MIF4GD: variants seen among roughly 807,000 people sequenced by gnomAD.
MIF4GD encodes the protein MIF4G domain containing, also known as MIF4G domain-containing protein.
MIF4GD carries 22 observed loss-of-function variants against 26.7 expected under a neutral mutation model. The ratio of observed to expected loss-of-function variants is 0.82; its 90% CI spans 0.59 to 1.18. MIF4GD has a LOEUF of 1.18. MIF4GD is among the 50% of genes most tolerant of loss of function. The pLI, the probability that MIF4GD is intolerant of heterozygous loss-of-function variation, is 0.00. For missense variants in MIF4GD, 262 were observed against 279.6 expected, an observed-to-expected ratio of 0.94 and a Z score of 0.45; for synonymous variants, 137 against 111.6, an observed-to-expected ratio of 1.23 and a Z score of -1.43.
At position 75,266,932 on chromosome 17, in the gene MIF4GD, C is replaced by T. The variant is rs2077506804; in HGVS notation, c.477G>A (p.Gly159=). 6.2e-7 allele frequency: 1 copy of T among 1,613,970 alleles called. No individual in the cohort carries two copies. Among genetic ancestry groups the T allele is most frequent in the South Asian group, 1.1e-5 (1 of 91,072 alleles). Residue 159 remains glycine, a synonymous_variant, in exon 6 of 6, where the codon GGG becomes GGA. Coordinates refer to ENST00000325102, the MANE Select transcript of MIF4GD (RefSeq NM_001370592.1). ...GCCCATTCATTTTCTCCAGCTGCTCCCCAACCCGGTGCAGCTGCAGCACCA... is the reference window on the plus strand; with the variant it reads ...GCCCATTCATTTTCTCCAGCTGCTCTCCAACCCGGTGCAGCTGCAGCACCA... ...DCLVLQLHRV[G]EQLEKMNGQR... is the part of the protein sequence containing the mutation.
Position 75,266,569 on chromosome 17 carries a change from G to A in MIF4GD, c.*171C>T, listed in dbSNP as rs2077490299. 1 of 682,668 alleles carries A rather than the reference G, an allele frequency of 1.5e-6. No individual in the cohort carries two copies. The highest frequency in any genetic ancestry group is 1.8e-5 in the South Asian group (1 of 55,012). The allele number at this position is 682,668 out of a possible 1,614,324, so 42.3% of individuals were successfully genotyped here. A position where few individuals can be genotyped will look rare whatever the true frequency, so the allele number is the denominator to read the frequency against. Reference sequence around the variant, plus strand: ...GTGGTGGGGAAAGGGGCTCAGGGCAGGACCACGGCATAAGTGGGAAACATC... The same window carrying A: ...GTGGTGGGGAAAGGGGCTCAGGGCAAGACCACGGCATAAGTGGGAAACATC... On this transcript the variant is annotated 3_prime_UTR_variant, in exon 6 of 6. Transcript: ENST00000325102.
chr17:75,268,031 C>T (rs748272473), intron 3 of MIF4GD, 52 bp downstream of exon 3: 8 of 1,607,404 alleles, frequency 5.0e-6, no homozygotes, highest in African/African-American at 1.3e-5. Context: ...CTTCTGCCCA[C>T]TCCTGAAGCA....
At chr17:75,268,698 A>G (rs1375276236) in intron 2 of MIF4GD, among the ~76,000 whole-genome samples, 1 of 150,116 alleles carries the variant, frequency 6.7e-6, no homozygotes, top group African/African-American at 2.5e-5. Context: ...AGAAAAAAAT[A>G]AAAGAAATCA....
intron 2 of MIF4GD, among the ~76,000 whole-genome samples, chr17:75,269,824 C>T (rs1310494524): frequency 6.7e-6 from 1 of 149,334 alleles, no homozygotes; most frequent in African/African-American, 2.4e-5. Flanking sequence ...AGCAATCTGC[C>T]CACCTTGGCT....
At position 75,270,501 on chromosome 17, in the gene MIF4GD, C is replaced by A; in HGVS notation, c.-50-256G>T. On this transcript the variant is annotated intron_variant, in intron 1 of 5. Transcript: ENST00000325102. This position sits in a 1 kb window ranked among gnomAD's most constrained non-coding sequence, Gnocchi z 5.7. ...AGCGAGAAGCTGAAGCAGGAAAGCG[C>A]CCACCCTCCAGTCCCAGCAGGAGGC... 3.0e-6 allele frequency: 1 copy of A among 334,556 alleles called. No individual in the cohort carries two copies. Among genetic ancestry groups the A allele is most frequent in the East Asian group, 7.2e-5 (1 of 13,800 alleles). The allele number at this position is 334,556 out of a possible 1,614,324, so 20.7% of individuals were successfully genotyped here. A position where few individuals can be genotyped will look rare whatever the true frequency, so the allele number is the denominator to read the frequency against.
At chr17:75,269,843 T>A (rs1409249800) in intron 2 of MIF4GD, among the ~76,000 whole-genome samples, 1 of 149,356 alleles carries the variant, frequency 6.7e-6, no homozygotes, top group East Asian at 2.0e-4. Flanking sequence ...CTTTCCAAAG[T>A]GCTGGAACTA....
rs1311614917 is a variant in MIF4GD, at chr17:75,270,015, G to C, written c.82+99C>G. The stretch of plus-strand genomic sequence containing the variant: ...GACTCCTATCGTCAGAGAATGAGGG[G>C]AGGGGTGGAGGCATTCACCAGGCTC... On this transcript the variant is annotated intron_variant, in intron 2 of 5. Coordinates refer to ENST00000325102, the MANE Select transcript of MIF4GD (RefSeq NM_001370592.1). This position sits in a 1 kb window ranked among gnomAD's most constrained non-coding sequence, Gnocchi z 5.7. 1 of 948,740 alleles carries C rather than the reference G, an allele frequency of 1.1e-6. No individual in the cohort carries two copies. The highest frequency in any genetic ancestry group is 1.6e-5 in the African/African-American group (1 of 61,200). 58.8% of individuals were successfully genotyped at this position (948,740 alleles called of 1,614,324 possible). A position where few individuals can be genotyped will look rare whatever the true frequency, so the allele number is the denominator to read the frequency against.
chr17:75,267,429 A>T (rs771132822), intron 5 of MIF4GD, 109 bp downstream of exon 5: 17 of 1,092,300 alleles, frequency 1.6e-5, no homozygotes, highest in Non-Finnish European at 2.3e-5. Context: ...CCTGCCCCAG[A>T]AGTGACACAG....
chr17:75,269,547 A>G (rs2077634926), intron 2 of MIF4GD: 2 of 766,068 alleles, frequency 2.6e-6, no homozygotes, highest in Non-Finnish European at 3.6e-6. Flanking sequence ...TTATGGTTAA[A>G]CTTTTTTTTT....
rs1407035303 is a variant in MIF4GD, at chr17:75,266,311, G to A, written c.*429C>T. On this transcript the variant is annotated 3_prime_UTR_variant, in exon 6 of 6. Coordinates refer to ENST00000325102, the MANE Select transcript of MIF4GD (RefSeq NM_001370592.1). The stretch of plus-strand genomic sequence containing the variant: ...GTGCAGCATTCAGTGAAACTGGCTG[G>A]AGGAAATAGGCTTGTTTCCAGAGTT... 1 of 353,432 alleles carries A rather than the reference G, an allele frequency of 2.8e-6. No homozygotes were observed. Among genetic ancestry groups the A allele is most frequent in the African/African-American group, 2.1e-5 (1 of 48,092 alleles). 21.9% of individuals were successfully genotyped at this position (353,432 alleles called of 1,614,324 possible).
In MIF4GD at chr17:75,270,321, G is replaced by A. The variant is rs914394997; in HGVS notation, c.-50-76C>T. 7.2e-5 allele frequency: 58 copies of A among 806,714 alleles called. 1 individual carries two copies. Among genetic ancestry groups the A allele is most frequent in the Non-Finnish European group, 1.1e-4 (51 of 481,764 alleles). 50.0% of individuals were successfully genotyped at this position (806,714 alleles called of 1,614,324 possible). A position where few individuals can be genotyped will look rare whatever the true frequency, so the allele number is the denominator to read the frequency against. On this transcript the variant is annotated intron_variant, in intron 1 of 5. Coordinates refer to ENST00000325102, the MANE Select transcript of MIF4GD (RefSeq NM_001370592.1). This position sits in a 1 kb window ranked among gnomAD's most constrained non-coding sequence, Gnocchi z 5.7. The stretch of plus-strand genomic sequence containing the variant: ...GTTCCGTCCTGCAGGCCCTGGACGG[G>A]GCTGACGGCGCGCTCGGGACAGGGA...
At chr17:75,269,479 C>T in intron 2 of MIF4GD, 1 of 1,608,200 alleles carries the variant, frequency 6.2e-7, no homozygotes, top group Non-Finnish European at 8.5e-7. Context: ...GCTATGGCAG[C>T]ACAGAAACCA....
intron 2 of MIF4GD, among the ~76,000 whole-genome samples, chr17:75,268,790 G>T (rs1412083781): frequency 1.3e-5 from 2 of 151,988 alleles, no homozygotes; most frequent in Non-Finnish European, 2.9e-5. Flanking sequence ...CTGAGGTCAG[G>T]ATCAGGAGGT....
At chr17:75,268,685 A>T (rs1436451649) in intron 2 of MIF4GD, among the ~76,000 whole-genome samples, 1 of 148,832 alleles carries the variant, frequency 6.7e-6, no homozygotes, top group Non-Finnish European at 1.5e-5. Flanking sequence ...AAAAAAAAAA[A>T]AAAGAAAAAA....
Position 75,266,857 on chromosome 17 carries a change from T to G in MIF4GD, c.552A>C (p.Pro184=). ...GCTGGGCCAGGGAGCTGAGGCCAGT[T>G]GGGAGCAGGAAGCCATCCCGGATCA... ...FVLIRDGFLL[P]TGLSSLAQLL... Residue 184 remains proline, a synonymous_variant, in exon 6 of 6, where the codon CCA becomes CCC. Transcript: ENST00000325102. 2 of 1,614,150 alleles carry G rather than the reference T, an allele frequency of 1.2e-6. No individual in the cohort carries two copies. Among genetic ancestry groups the G allele is most frequent in the Non-Finnish European group, 1.7e-6 (2 of 1,180,038 alleles).
At chr17:75,268,697 T>G (rs181693276) in intron 2 of MIF4GD, among the ~76,000 whole-genome samples, 169 of 128,222 alleles carry the variant, frequency 1.3e-3, no homozygotes, top group Middle Eastern at 4.7e-3. Flanking sequence ...AAGAAAAAAA[T>G]AAAAGAAATC....
chr17:75,267,048 T>G, intron 5 of MIF4GD, 81 bp from the exon 6 acceptor site: 1 of 1,265,764 alleles, frequency 7.9e-7, no homozygotes, highest in South Asian at 1.3e-5. Context: ...TGCCAGGTGC[T>G]GTGCTTTGCC....
In MIF4GD at chr17:75,270,096, G is replaced by C. The variant is rs370246711; in HGVS notation, c.82+18C>G. The C allele has an allele frequency of 1.1e-4, 171 of 1,611,940 alleles. No homozygotes were observed. The highest frequency in any genetic ancestry group is 1.3e-4 in the Non-Finnish European group (156 of 1,178,294). ...TCTGTAGCTCCTGACCCCAGCTCAG[G>C]AGGGGTCCCGTGCTCACCTTTGAGT... On this transcript the variant is annotated intron_variant, in intron 2 of 5. Coordinates refer to ENST00000325102, the MANE Select transcript of MIF4GD (RefSeq NM_001370592.1). This position sits in a 1 kb window ranked among gnomAD's most constrained non-coding sequence, Gnocchi z 5.7.
chr17:75,267,607 G>A lies in MIF4GD; in HGVS notation c.372C>T (p.Ala124=), dbSNP rs1242146350. ...GGCAGTCATAGACAGGGTTCACCAG[G>A]GCCATCATGGGCATGTTGTTCACCT... ...YLRVNNMPMM[A]LVNPVYDCLF... is the part of the protein sequence containing the mutation. The change falls in exon 5 of 6, where the codon GCC becomes GCT. Residue 124 remains alanine, a synonymous_variant. Transcript: ENST00000325102. 3 of 1,614,102 alleles carry A rather than the reference G, an allele frequency of 1.9e-6. No individual in the cohort carries two copies. The highest frequency in any genetic ancestry group is 1.3e-5 in the African/African-American group (1 of 74,924).
Sources: allele counts gnomAD v4.1 joint callset (sites outside exome capture counted in the v4.1 genomes callset), GRCh38; gene constraint gnomAD v4.1.1; non-coding constraint Gnocchi (gnomAD v3.1); transcripts MANE v1.5; gene names NCBI Gene and HGNC (gene_info 2026-07-23, HGNC 2026-07-21).